Variants in SUMF1 observed in about 807,000 individuals in gnomAD.
SUMF1 encodes the protein sulfatase modifying factor 1, also known as formylglycine-generating enzyme.
Under a neutral mutation model 47.6 loss-of-function variants are expected in SUMF1, and 48 were observed. That is an observed-to-expected ratio of 1.01 (90% CI 0.80 to 1.28). SUMF1 has a LOEUF of 1.28. Ranked by LOEUF, SUMF1 falls within the 50% of genes most tolerant of loss-of-function variation. SUMF1 has a pLI of 0.00. For synonymous variants in SUMF1, 230 were observed against 192.1 expected (o/e 1.20, Z -1.63); for missense variants, 571 against 485.4 (o/e 1.18, Z -1.66).
intron 8 of SUMF1, among the ~76,000 whole-genome samples, chr3:4,250,949 T>C (rs1371103313): frequency 6.6e-6 from 1 of 152,204 alleles, no homozygotes; most frequent in Non-Finnish European, 1.5e-5. Context: ...CCTAACGATA[T>C]TCATTCTGCA....
At chr3:4,089,103 A>C (rs17039840) in intron 8 of SUMF1, among the ~76,000 whole-genome samples, 14,158 of 152,094 alleles carry the variant, frequency 0.093, 1,621 homozygotes, top group African/African-American at 0.27. Flanking sequence ...TGGCACTAAT[A>C]ACATGAAGTG....
chr3:4,072,897 T>C (rs1200059705), intron 8 of SUMF1, among the ~76,000 whole-genome samples: 1 of 152,120 alleles, frequency 6.6e-6, no homozygotes, highest in Non-Finnish European at 1.5e-5. Flanking sequence ...TGGAACCAAG[T>C]TAGAAAACAG....
chr3:4,244,248 C>T (rs921529156), intron 8 of SUMF1, among the ~76,000 whole-genome samples: 11 of 152,140 alleles, frequency 7.2e-5, no homozygotes, highest in Admixed American at 2.6e-4. Flanking sequence ...GGGCATTTAG[C>T]CCATTTACAT....
intron 2 of SUMF1, among the ~76,000 whole-genome samples, chr3:4,450,560 T>G (rs1284433636): frequency 6.6e-6 from 1 of 152,164 alleles, no homozygotes; most frequent in African/African-American, 2.4e-5. Flanking sequence ...TGTGCTCAGT[T>G]TGGGGCTAAA....
At chr3:4,206,425 T>G (rs1229171972) in intron 8 of SUMF1, among the ~76,000 whole-genome samples, 1 of 152,136 alleles carries the variant, frequency 6.6e-6, no homozygotes, top group Non-Finnish European at 1.5e-5. Flanking sequence ...CAGTGAGGGC[T>G]GGTCTAAATA....
intron 7 of SUMF1, among the ~76,000 whole-genome samples, chr3:4,401,979 C>G (rs1216087358): frequency 6.6e-6 from 1 of 152,156 alleles, no homozygotes; most frequent in African/African-American, 2.4e-5. Context: ...TAAGGAAATT[C>G]TTGAAACAGC....
At chr3:4,415,364 A>G (rs989315739) in intron 6 of SUMF1, among the ~76,000 whole-genome samples, 2 of 152,214 alleles carry the variant, frequency 1.3e-5, no homozygotes, top group African/African-American at 4.8e-5. Context: ...TATGCCAACA[A>G]AAGAATGGTG....
chr3:4,414,460 G>C (rs1370707763), intron 6 of SUMF1: 1 of 152,252 alleles, frequency 6.6e-6, no homozygotes, highest in Admixed American at 6.5e-5. Flanking sequence ...GGACACAAAA[G>C]AGCAGCTTAG....
chr3:4,242,645 C>G (rs1696566870), intron 8 of SUMF1, among the ~76,000 whole-genome samples: 2 of 152,114 alleles, frequency 1.3e-5, no homozygotes, highest in South Asian at 4.2e-4. Context: ...GGTGGATAAG[C>G]TTTTTGATGT....
At chr3:4,197,322 C>G (rs1002946583) in intron 8 of SUMF1, among the ~76,000 whole-genome samples, 3 of 152,040 alleles carry the variant, frequency 2.0e-5, no homozygotes, top group Non-Finnish European at 2.9e-5. Flanking sequence ...ACCGTGTTGC[C>G]CAGTATGGGC....
At chr3:4,149,242 A>G (rs1215570044) in intron 8 of SUMF1, among the ~76,000 whole-genome samples, 1 of 152,146 alleles carries the variant, frequency 6.6e-6, no homozygotes, top group Non-Finnish European at 1.5e-5. Flanking sequence ...ATAAATTAAC[A>G]GCAATCATGT....
chr3:4,429,331 T>C (rs756779227), intron 3 of SUMF1, among the ~76,000 whole-genome samples: 1 of 152,236 alleles, frequency 6.6e-6, no homozygotes, highest in African/African-American at 2.4e-5. Context: ...GTTCCTTACA[T>C]TGCTAGTAGC....
At chr3:4,329,739 C>G (rs1699013802) in intron 8 of SUMF1, among the ~76,000 whole-genome samples, 1 of 151,650 alleles carries the variant, frequency 6.6e-6, no homozygotes, top group African/African-American at 2.4e-5. Context: ...ATTTTTGCAA[C>G]CAGCTTGAAT....
At chr3:4,275,858 G>A (rs986782398) in intron 8 of SUMF1, among the ~76,000 whole-genome samples, 1 of 152,164 alleles carries the variant, frequency 6.6e-6, no homozygotes, top group Non-Finnish European at 1.5e-5. Flanking sequence ...GCAGAAGCAC[G>A]AGCTTTAGAA....
intron 8 of SUMF1, among the ~76,000 whole-genome samples, chr3:4,177,053 C>G (rs1156725776): frequency 6.6e-6 from 1 of 152,058 alleles, no homozygotes; most frequent in Non-Finnish European, 1.5e-5. Flanking sequence ...TCTTTAGAGA[C>G]CTACAAAGAG....
chr3:4,114,699 T>C (rs1693383435), intron 8 of SUMF1, among the ~76,000 whole-genome samples: 2 of 151,966 alleles, frequency 1.3e-5, no homozygotes, highest in African/African-American at 4.8e-5. Context: ...CACTGGGGAG[T>C]ATGTTTAGCT....
intron 8 of SUMF1, among the ~76,000 whole-genome samples, chr3:4,154,831 T>A (rs1414099987): frequency 6.6e-6 from 1 of 151,638 alleles, no homozygotes; most frequent in East Asian, 1.9e-4. Flanking sequence ...AACCACCGCA[T>A]CCCACTTCCA....
At chr3:4,295,536 G>A (rs1048512536) in intron 8 of SUMF1, among the ~76,000 whole-genome samples, 1 of 152,048 alleles carries the variant, frequency 6.6e-6, no homozygotes, top group Non-Finnish European at 1.5e-5. Flanking sequence ...TACCTGGAAC[G>A]TGAAATGAAC....
At chr3:4,381,993 C>T (rs1296413677) in intron 7 of SUMF1, among the ~76,000 whole-genome samples, 1 of 152,172 alleles carries the variant, frequency 6.6e-6, no homozygotes, top group Non-Finnish European at 1.5e-5. Context: ...TTGCAGTGAG[C>T]AGTGACTGCG....
Sources: gnomAD v4.1 joint callset for allele counts (sites outside exome capture counted in the v4.1 genomes callset) on GRCh38, gnomAD v4.1.1 for gene constraint, MANE v1.5 for transcripts, NCBI Gene and HGNC (gene_info 2026-07-23, HGNC 2026-07-21) for gene names.